The following INPP5A variants were observed in gnomAD, a reference collection of about 807,000 sequenced individuals.
INPP5A encodes inositol polyphosphate-5-phosphatase A.
A neutral mutation model predicts 65.2 loss-of-function variants in INPP5A; 14 were observed. The ratio of observed to expected loss-of-function variants is 0.21; its 90% CI spans 0.14 to 0.34. INPP5A has a LOEUF of 0.34. Among genes scored for constraint, INPP5A ranks in the 10% least tolerant of loss-of-function variants. The pLI, the probability that INPP5A is intolerant of heterozygous loss-of-function variation, is 1.00. For synonymous variants in INPP5A, 207 were observed against 208.3 expected (o/e 0.99, Z 0.05); for missense variants, 431 against 545.6 (o/e 0.79, Z 2.09).
rs960055420 is a variant in INPP5A at position 132,545,855 on chromosome 10, C to T, written c.75+7684C>T. Reference sequence around the variant, plus strand: ...GGAGCTCTGAGCGCTGGCTCCAGGCCGGCTTTCAGGAAGGCCGACTGCCTC... The same window carrying T: ...GGAGCTCTGAGCGCTGGCTCCAGGCTGGCTTTCAGGAAGGCCGACTGCCTC... On this transcript the variant is annotated intron_variant, in intron 1 of 15. Coordinates refer to ENST00000368594, the MANE Select transcript of INPP5A (RefSeq NM_005539.5). The surrounding 1 kb of genome is among the most constrained non-coding windows in gnomAD (Gnocchi z 4.6). Among the ~76,000 whole-genome samples, 8 of 152,222 alleles carry T rather than the reference C, an allele frequency of 5.3e-5. No individual in the cohort carries two copies. Among genetic ancestry groups the T allele is most frequent in the South Asian group, 2.1e-4 (1 of 4,832 alleles).
Position 132,726,837 on chromosome 10 carries a change from T to G in INPP5A, c.664T>G (p.Phe222Val). ...TCTTTCCAGAATCATTGATCAGCGA[T>G]TCGAGAAGGTTTCCTACTTTGTATT... ...YVLDRIIDQRFEKVSYFVFGD... is the reference protein window; with the variant it reads ...YVLDRIIDQRVEKVSYFVFGD... Residue 222 changes from phenylalanine to valine, a missense_variant, in exon 9 of 16, where the codon TTC (phenylalanine) becomes GTC (valine). By Grantham distance (50) the Phe-to-Val change is conservative. Coordinates refer to ENST00000368594, the MANE Select transcript of INPP5A (RefSeq NM_005539.5). 6.2e-7 allele frequency: 1 copy of G among 1,604,048 alleles called. No homozygotes were observed. Among genetic ancestry groups the G allele is most frequent in the East Asian group, 2.2e-5 (1 of 44,592 alleles).
At chr10:132,642,241 C>T (rs2072435470) in intron 2 of INPP5A, among the ~76,000 whole-genome samples, 1 of 152,182 alleles carries the variant, frequency 6.6e-6, no homozygotes, top group Non-Finnish European at 1.5e-5. Flanking sequence ...GAGGCGTTTC[C>T]AGCAGAGGGG....
chr10:132,671,309 G>A (rs1043965915), intron 4 of INPP5A, among the ~76,000 whole-genome samples: 4 of 152,224 alleles, frequency 2.6e-5, no homozygotes, highest in South Asian at 4.1e-4. Flanking sequence ...CGTGGGCTGC[G>A]GCGAGGCTTG....
intron 2 of INPP5A, among the ~76,000 whole-genome samples, chr10:132,614,474 T>C (rs1179980782): frequency 6.6e-6 from 1 of 152,010 alleles, no homozygotes; most frequent in Non-Finnish European, 1.5e-5. Flanking sequence ...CTCAAAAAAA[T>C]AAATAGATAA....
chr10:132,636,079 T>TATATG (rs1334937668), intron 2 of INPP5A, among the ~76,000 whole-genome samples: 1 of 152,110 alleles, frequency 6.6e-6, no homozygotes, highest in Non-Finnish European at 1.5e-5. Context: ...CATAGGTTTC[T>TATATG]ATATGGCATG....
chr10:132,625,192 C>T (rs1590876066), intron 2 of INPP5A, among the ~76,000 whole-genome samples: 3 of 149,588 alleles, frequency 2.0e-5, no homozygotes, highest in African/African-American at 4.9e-5. Flanking sequence ...CACAGGCCAC[C>T]GCTCCCTCTG....
In INPP5A at chr10:132,676,423, G is replaced by T. The variant is rs1467229179; in HGVS notation, c.307-13969G>T. ...CTTTCCACCTGTCTCCCTCCACTCC[G>T]GGTGAAAGAGGCATGGGGAATTTAC... On this transcript the variant is annotated intron_variant, in intron 4 of 15. Coordinates refer to ENST00000368594, the MANE Select transcript of INPP5A (RefSeq NM_005539.5). This position sits in a 1 kb window ranked among gnomAD's most constrained non-coding sequence, Gnocchi z 4.0. Among the ~76,000 whole-genome samples, 1 of 152,152 alleles carries T rather than the reference G, an allele frequency of 6.6e-6. No homozygotes were observed. The highest frequency in any genetic ancestry group is 2.4e-5 in the African/African-American group (1 of 41,428).
At chr10:132,723,876 T>A (rs1348365936) in intron 8 of INPP5A, among the ~76,000 whole-genome samples, 2 of 152,198 alleles carry the variant, frequency 1.3e-5, no homozygotes, top group East Asian at 3.9e-4. Flanking sequence ...CCGAGCTTTC[T>A]GTGCTCACGG....
intron 1 of INPP5A, among the ~76,000 whole-genome samples, chr10:132,607,311 G>A (rs1402733238): frequency 6.6e-6 from 1 of 152,180 alleles, no homozygotes; most frequent in Non-Finnish European, 1.5e-5. Context: ...TTGCGTGTGT[G>A]CACGTGTGTG....
chr10:132,723,346 C>CT (rs1339693329), intron 8 of INPP5A, among the ~76,000 whole-genome samples: 4 of 152,224 alleles, frequency 2.6e-5, no homozygotes, highest in Non-Finnish European at 4.4e-5. Flanking sequence ...CTGGGGAACT[C>CT]ATTAGAGTTT....
Position 132,780,875 on chromosome 10 carries a change from C to A in INPP5A, c.1116C>A (p.Thr372=). The A allele has an allele frequency of 6.2e-7, 1 of 1,612,236 alleles. No homozygotes were observed. Among genetic ancestry groups the A allele is most frequent in the Non-Finnish European group, 8.5e-7 (1 of 1,179,274 alleles). Residue 372 remains threonine (T), a synonymous_variant, in exon 14 of 16, where the codon ACC becomes ACA. Coordinates refer to ENST00000368594, the MANE Select transcript of INPP5A (RefSeq NM_005539.5). ...CGGAGAGCGAGGAGAAGGTTGTCAC[C>A]TATGACCACATTGGGCCCAACGTCT... The part of the protein sequence containing the change: ...LRSESEEKVV[T]YDHIGPNVCM...
In INPP5A at chr10:132,727,218, T is replaced by A. The variant is rs1390125311; in HGVS notation, c.732+313T>A. The A allele has an allele frequency of 1.5e-5, 4 of 270,592 alleles. No homozygotes were observed. Among genetic ancestry groups the A allele is most frequent in the Non-Finnish European group, 2.8e-5 (4 of 142,168 alleles). 16.8% of individuals were successfully genotyped at this position (270,592 alleles called of 1,614,324 possible). On this transcript the variant is annotated intron_variant, in intron 9 of 15. Coordinates refer to ENST00000368594, the MANE Select transcript of INPP5A (RefSeq NM_005539.5). The surrounding 1 kb of genome is among the most constrained non-coding windows in gnomAD (Gnocchi z 6.5). ...TGCCGTCACAGCGCCACCCCCTCGA[T>A]GCCCACAGAGCTGCAGCCTCTGCAG...
At chr10:132,668,649 A>G (rs530077757) in intron 4 of INPP5A, among the ~76,000 whole-genome samples, 1 of 152,298 alleles carries the variant, frequency 6.6e-6, no homozygotes, top group East Asian at 1.9e-4. Flanking sequence ...TTTCTCCTCA[A>G]ATTAAACATG....
intron 4 of INPP5A, among the ~76,000 whole-genome samples, chr10:132,682,448 T>C (rs974411423): frequency 6.6e-6 from 1 of 152,260 alleles, no homozygotes; most frequent in Non-Finnish European, 1.5e-5. Flanking sequence ...GGTGCCCAAC[T>C]ATGCTAGTAT....
At chr10:132,573,440 A>C (rs62635595) in intron 1 of INPP5A, among the ~76,000 whole-genome samples, 1 of 23,974 alleles carries the variant, frequency 4.2e-5, no homozygotes, top group Non-Finnish European at 7.6e-5. Flanking sequence ...GTTGGGGTGT[A>C]CGTGCCGTGT....
chr10:132,547,906 T>A lies in INPP5A; in HGVS notation c.75+9735T>A, dbSNP rs914704265. Among the ~76,000 whole-genome samples, 12 of 151,438 alleles carry A rather than the reference T, an allele frequency of 7.9e-5. No individual in the cohort carries two copies. The highest frequency in any genetic ancestry group is 1.3e-4 in the Admixed American group (2 of 15,234). Reference sequence around the variant, plus strand: ...GGGGTGGGGACCATGGTGTCTTTTTTAATTTTTTTTTTTTTAAGATGGACA... The same window carrying A: ...GGGGTGGGGACCATGGTGTCTTTTTAAATTTTTTTTTTTTTAAGATGGACA... On this transcript the variant is annotated intron_variant, in intron 1 of 15. Coordinates refer to ENST00000368594, the MANE Select transcript of INPP5A (RefSeq NM_005539.5). The surrounding 1 kb of genome is among the most constrained non-coding windows in gnomAD (Gnocchi z 5.5).
intron 4 of INPP5A, among the ~76,000 whole-genome samples, chr10:132,689,399 G>C (rs146583872): frequency 6.6e-6 from 1 of 152,286 alleles, no homozygotes; most frequent in East Asian, 1.9e-4. Flanking sequence ...TTTATCCCAG[G>C]ACCTGCTACC....
intron 2 of INPP5A, among the ~76,000 whole-genome samples, chr10:132,610,371 G>C (rs1326817768): frequency 2.0e-5 from 3 of 152,130 alleles, no homozygotes; most frequent in Non-Finnish European, 4.4e-5. Context: ...GGTGGGGGGT[G>C]GGGGGCGGTT....
chr10:132,684,344 G>C (rs1260174021), intron 4 of INPP5A, among the ~76,000 whole-genome samples: 1 of 152,354 alleles, frequency 6.6e-6, no homozygotes, highest in East Asian at 1.9e-4. Context: ...AGAGAGGTCT[G>C]TGTGTGCATT....
Sources: gnomAD v4.1 joint callset for allele counts (sites outside exome capture counted in the v4.1 genomes callset) on GRCh38, gnomAD v4.1.1 for gene constraint, Gnocchi (gnomAD v3.1) non-coding constraint, MANE v1.5 for transcripts, NCBI Gene and HGNC (gene_info 2026-07-23, HGNC 2026-07-21) for gene names.